Variants in CHEK2 observed in about 807,000 individuals in gnomAD.
CHEK2 encodes the protein checkpoint kinase 2.
A neutral mutation model predicts 69.1 loss-of-function variants in CHEK2; 71 were observed. The observed-to-expected ratio is 1.03, with a 90% confidence interval of 0.85 to 1.25. The LOEUF (loss-of-function observed/expected upper bound fraction) is 1.25. CHEK2 is among the 50% of genes most tolerant of loss of function. CHEK2 has a pLI of 0.00. For missense variants in CHEK2, 664 were observed against 649.6 expected (o/e 1.02, Z -0.24); for synonymous variants, 189 against 226.9 (o/e 0.83, Z 1.50).
intron 1 of CHEK2, among the ~76,000 whole-genome samples, chr22:28,737,011 G>A (rs1176858627): frequency 6.6e-6 from 1 of 152,020 alleles, no homozygotes; most frequent in African/African-American, 2.4e-5. Flanking sequence ...AACATCCACT[G>A]CTGACCTAAT....
intron 1 of CHEK2, among the ~76,000 whole-genome samples, chr22:28,738,930 A>G (rs912924662): frequency 2.6e-5 from 4 of 152,310 alleles, no homozygotes; most frequent in Middle Eastern, 6.8e-3. Flanking sequence ...ACCAGAATAT[A>G]TAAGGAGATG....
At chr22:28,715,418 T>TTTAC (rs1265633559) in intron 5 of CHEK2, among the ~76,000 whole-genome samples, 95 of 151,570 alleles carry the variant, frequency 6.3e-4, no homozygotes, top group African/African-American at 2.0e-3. Flanking sequence ...TATTTATTTA[T>TTTAC]TTTAATATTT....
Position 28,741,815 on chromosome 22 carries a change from CAG to C in CHEK2, c.-55_-54del. ...GCACACTCTCCGCAGCCTCAGCCAG[CAG>C]AGTGGCGCTAAACCTGCAGATACAA... is the stretch of plus-strand genomic sequence containing the variant. On this transcript the variant is annotated 5_prime_UTR_variant, in exon 1 of 15. Transcript: ENST00000404276. 1 of 536,020 alleles carries C rather than the reference CAG, an allele frequency of 1.9e-6. No individual in the cohort carries two copies. Among genetic ancestry groups the C allele is most frequent in the Non-Finnish European group, 3.4e-6 (1 of 297,200 alleles). 33.2% of individuals were successfully genotyped at this position (536,020 alleles called of 1,614,324 possible).
At chr22:28,694,337 C>T (rs1325805208) in intron 12 of CHEK2, among the ~76,000 whole-genome samples, 1 of 152,128 alleles carries the variant, frequency 6.6e-6, no homozygotes, top group Non-Finnish European at 1.5e-5. Context: ...GCTGCTGGGA[C>T]GTCAGTCACG....
At chr22:28,703,360 C>T (rs532338913) in intron 8 of CHEK2, 145 bp downstream of exon 8, 1 of 623,332 alleles carries the variant, frequency 1.6e-6, no homozygotes, top group Admixed American at 2.7e-5. Flanking sequence ...TATTAACCCC[C>T]TATACACAGA....
Position 28,699,872 on chromosome 22 carries a change from T to A in CHEK2, c.974A>T (p.Lys325Met), listed in dbSNP as rs767656411. The A allele has an allele frequency of 2.5e-6, 4 of 1,614,036 alleles. No homozygotes were observed. The highest frequency in any genetic ancestry group is 3.4e-6 in the Non-Finnish European group (4 of 1,179,924). Reference sequence around the variant, plus strand: ...CAAGAGCATCTGGTAAAAATAGAGCTTGCAGGTAGCTTCTTTCAGGCGTTT... The same window carrying A: ...CAAGAGCATCTGGTAAAAATAGAGCATGCAGGTAGCTTCTTTCAGGCGTTT... ...GNKRLKEATCKLYFYQMLLAV... is the reference protein window; with the variant it reads ...GNKRLKEATCMLYFYQMLLAV... The change falls in exon 9 of 15, where the codon AAG (lysine) becomes ATG (methionine). Residue 325 changes from lysine to methionine, a missense_variant. By Grantham distance (95) the Lys-to-Met change is moderately conservative. Coordinates refer to ENST00000404276, the MANE Select transcript of CHEK2 (RefSeq NM_007194.4).
intron 13 of CHEK2, among the ~76,000 whole-genome samples, chr22:28,693,587 C>A (rs1175323762): frequency 6.6e-6 from 1 of 152,158 alleles, no homozygotes; most frequent in Admixed American, 6.5e-5. Context: ...AGACTCGGGG[C>A]AGCCAAGTGG....
intron 2 of CHEK2, among the ~76,000 whole-genome samples, chr22:28,732,108 AT>A (rs1477011028): frequency 4.0e-5 from 6 of 149,380 alleles, no homozygotes; most frequent in East Asian, 2.0e-4. Flanking sequence ...CGCCCCGCAA[AT>A]TTTTTTTTCT....
intron 4 of CHEK2, among the ~76,000 whole-genome samples, chr22:28,722,539 CA>C (rs755107963): frequency 0.31 from 21,419 of 68,178 alleles, 986 homozygotes; most frequent in East Asian, 0.45. Flanking sequence ...GACTCCGTCT[CA>C]AAAAAAAAAA....
intron 2 of CHEK2, among the ~76,000 whole-genome samples, chr22:28,730,996 G>A (rs751981627): frequency 1.9e-4 from 29 of 152,160 alleles, no homozygotes; most frequent in Non-Finnish European, 3.2e-4. Context: ...TTGAGCTCAG[G>A]AGTTTGAGAC....
intron 5 of CHEK2, among the ~76,000 whole-genome samples, chr22:28,716,250 G>A (rs74387955): frequency 0.025 from 3,657 of 148,680 alleles, 149 homozygotes; most frequent in African/African-American, 0.084. Flanking sequence ...AGGGTGGAGT[G>A]CAGTGGCGTG....
At chr22:28,731,470 C>G (rs2146120999) in intron 2 of CHEK2, among the ~76,000 whole-genome samples, 1 of 151,566 alleles carries the variant, frequency 6.6e-6, no homozygotes, top group South Asian at 2.1e-4. Flanking sequence ...GTGGTGGGCA[C>G]CTGTAATCCC....
rs1601825215 is a variant in CHEK2 at position 28,725,267 on chromosome 22, G to C, written c.420C>G (p.Ser140Arg). The change falls in exon 3 of 15, where the codon AGC becomes AGG. Residue 140 changes from serine (S) to arginine (R), a missense_variant. Transcript: ENST00000404276. ...LKRTDKYRTY[S>R]KKHFRIFREV... ...CCCTGAAAATCCGAAAGTGTTTCTT[G>C]CTGTATGTTCGGTATTTATCTGTTC... is the stretch of plus-strand genomic sequence containing the variant. 6.2e-7 allele frequency: 1 copy of C among 1,614,094 alleles called. No individual in the cohort carries two copies. Among genetic ancestry groups the C allele is most frequent in the Non-Finnish European group, 8.5e-7 (1 of 1,180,016 alleles).
chr22:28,735,661 C>T, intron 1 of CHEK2, among the ~76,000 whole-genome samples: 1 of 150,098 alleles, frequency 6.7e-6, no homozygotes, highest in East Asian at 2.0e-4. Context: ...GCAGGTAGAT[C>T]ACCTGAGATC....
intron 7 of CHEK2, 42 bp from the exon 8 acceptor site, chr22:28,703,608 C>T: frequency 7.9e-7 from 1 of 1,269,502 alleles, no homozygotes; most frequent in Non-Finnish European, 1.1e-6. Context: ...GTGAGAAACT[C>T]CCAAGAGGAA....
intron 4 of CHEK2, among the ~76,000 whole-genome samples, chr22:28,720,079 C>G (rs1468346849): frequency 2.8e-5 from 4 of 144,584 alleles, no homozygotes; most frequent in African/African-American, 5.1e-5. Context: ...TGGGCTGTAT[C>G]TTAAAAAAAG....
chr22:28,692,793 G>A (rs557089147), intron 13 of CHEK2, among the ~76,000 whole-genome samples: 139 of 152,308 alleles, frequency 9.1e-4, no homozygotes, highest in African/African-American at 3.2e-3. Flanking sequence ...GTTGAGAAAG[G>A]GACCTGTTGA....
chr22:28,697,095 A>G (rs1248919734), intron 9 of CHEK2, 108 bp from the exon 10 acceptor site: 2 of 741,174 alleles, frequency 2.7e-6, no homozygotes, highest in African/African-American at 3.4e-5. Context: ...GTAAGCCGTG[A>G]TACACACAAC....
chr22:28,699,977 G>A, intron 8 of CHEK2, 40 bp from the exon 9 acceptor site: 1 of 1,377,790 alleles, frequency 7.3e-7, no homozygotes, highest in Non-Finnish European at 1.0e-6. Flanking sequence ...ATTCCTGGGG[G>A]AAAACGCACT....
Sources: allele counts gnomAD v4.1 joint callset (sites outside exome capture counted in the v4.1 genomes callset), GRCh38; gene constraint gnomAD v4.1.1; transcripts MANE v1.5; gene names NCBI Gene and HGNC (gene_info 2026-07-23, HGNC 2026-07-21).